Variants in GCC2 observed in about 807,000 individuals in gnomAD.
GCC2 encodes the protein GRIP and coiled-coil domain-containing protein 2.
Under a neutral mutation model 210.6 loss-of-function variants are expected in GCC2, and 120 were observed. The ratio of observed to expected loss-of-function variants is 0.57; its 90% CI spans 0.49 to 0.66. GCC2 has a LOEUF of 0.66. GCC2 is among the 30% of genes least tolerant of loss of function. The pLI, the probability that GCC2 is intolerant of heterozygous loss-of-function variation, is 0.00. For synonymous variants in GCC2, 703 were observed against 652.7 expected (o/e 1.08, Z -1.17); for missense variants, 1,868 against 1,871.9 (o/e 1.00, Z 0.04).
At chr2:108,474,344 G>A (rs997924731) in intron 7 of GCC2, among the ~76,000 whole-genome samples, 3 of 152,178 alleles carry the variant, frequency 2.0e-5, no homozygotes, top group Non-Finnish European at 4.4e-5. Context: ...GCTAAGGCAA[G>A]TGACATGGAA....
intron 4 of GCC2, among the ~76,000 whole-genome samples, chr2:108,457,247 C>T (rs757913819): frequency 3.3e-5 from 5 of 152,102 alleles, no homozygotes; most frequent in Non-Finnish European, 5.9e-5. Context: ...AAGAGGGTGT[C>T]GTTTGCCCAG....
At chr2:108,505,857 G>A (rs959899400) in intron 22 of GCC2, among the ~76,000 whole-genome samples, 13 of 152,102 alleles carry the variant, frequency 8.5e-5, no homozygotes, top group Admixed American at 5.2e-4. Context: ...TAAATAACAC[G>A]CAGATAAAAC....
intron 4 of GCC2, among the ~76,000 whole-genome samples, chr2:108,462,218 C>T (rs1199031090): frequency 1.4e-5 from 2 of 145,434 alleles, no homozygotes; most frequent in African/African-American, 2.5e-5. Context: ...GGAGGCCGGG[C>T]GCAGTGGCTC....
intron 4 of GCC2, among the ~76,000 whole-genome samples, chr2:108,468,253 A>T (rs1292505280): frequency 6.6e-6 from 1 of 151,972 alleles, no homozygotes; most frequent in Non-Finnish European, 1.5e-5. Context: ...TTTAGTAGAG[A>T]CAGAGTTTCA....
chr2:108,486,454 C>T, intron 15 of GCC2, 57 bp from the exon 16 acceptor site: 1 of 1,564,802 alleles, frequency 6.4e-7, no homozygotes, highest in Non-Finnish European at 8.8e-7. Context: ...TAAGGAAAAC[C>T]TCTTTAACTA....
chr2:108,483,219 T>C, intron 12 of GCC2, 53 bp downstream of exon 12: 1 of 931,680 alleles, frequency 1.1e-6, no homozygotes, highest in Middle Eastern at 3.2e-4. Flanking sequence ...TTGTTCTGTT[T>C]TGTTGTTCTG....
At chr2:108,468,068 T>C (rs1573364391) in intron 4 of GCC2, among the ~76,000 whole-genome samples, 1 of 21,830 alleles carries the variant, frequency 4.6e-5, no homozygotes, top group Non-Finnish European at 9.1e-5. Flanking sequence ...TTTCTTTTTC[T>C]TTTTTTTTTT....
Position 108,472,827 on chromosome 2 carries a change from G to C in GCC2, c.2788G>C (p.Asp930His). ...DRRAELILLKDSLAKSPSVKN... is the reference protein window; with the variant it reads ...DRRAELILLKHSLAKSPSVKN... ...TTTTTTTTTCCCCTGTAAAATCTAG[G>C]ATTCCTTAGCAAAATCACCTTCTGT... The change falls in exon 7 of 23, where the codon GAT (aspartate) becomes CAT (histidine). Residue 930 changes from aspartate (D) to histidine (H), a missense_variant and splice_region_variant. This residue lies in a region of GCC2 where 1,847 missense variants were observed against 1,765.2 expected (regional missense o/e 1.05). Transcript: ENST00000309863. 4.5e-6 allele frequency: 7 copies of C among 1,562,918 alleles called. No individual in the cohort carries two copies. The highest frequency in any genetic ancestry group is 6.1e-6 in the Non-Finnish European group (7 of 1,143,432).
At chr2:108,486,717 A>G in intron 16 of GCC2, 69 bp downstream of exon 16, 3 of 1,426,688 alleles carry the variant, frequency 2.1e-6, no homozygotes, top group Non-Finnish European at 2.9e-6. Context: ...GGTTTACTCC[A>G]GGGCTGTGCT....
Position 108,488,904 on chromosome 2 carries a change from A to G in GCC2, c.4053-934A>G, listed in dbSNP as rs181537073. 2.0e-3 allele frequency among the ~76,000 whole-genome samples: 308 copies of G among 152,340 alleles called. 3 individuals carry two copies. The highest frequency in any genetic ancestry group is 7.0e-3 in the African/African-American group (292 of 41,584). ...TATTTTCTTTCCAGTAGCTCATTAT[A>G]TAAAGGGGAAATTAGATACTGATAC... On this transcript the variant is annotated intron_variant, in intron 17 of 22. Transcript: ENST00000309863.
Position 108,485,706 on chromosome 2 carries a change from C to G in GCC2, c.3684C>G (p.Thr1228=). 5.0e-6 allele frequency: 8 copies of G among 1,593,744 alleles called. No individual in the cohort carries two copies. The highest frequency in any genetic ancestry group is 6.8e-6 in the Non-Finnish European group (8 of 1,170,352). Residue 1228 remains threonine, a synonymous_variant, in exon 14 of 23, where the codon ACC becomes ACG. Transcript: ENST00000309863. ...NTKIKQLLVK[T]KKELADSKQA... Reference sequence around the variant, plus strand: ...AAATCAAGCAATTGCTTGTGAAAACCAAAAAGGAACTGGCAGATTCAAAGC... The same window carrying G: ...AAATCAAGCAATTGCTTGTGAAAACGAAAAAGGAACTGGCAGATTCAAAGC...
At chr2:108,485,766 T>C in intron 14 of GCC2, 30 bp downstream of exon 14, 2 of 1,457,454 alleles carry the variant, frequency 1.4e-6, no homozygotes, top group South Asian at 1.2e-5. Flanking sequence ...TCATATTTAG[T>C]ACTTATTCAT....
chr2:108,495,454 G>C lies in GCC2; in HGVS notation c.4611G>C (p.Glu1537Asp). Reference protein sequence around the residue: ...SSASTYTQSLEQLLNSPETKL... With the variant: ...SSASTYTQSLDQLLNSPETKL... ...CCAGCACATACACACAGTCTTTAGA[G>C]CAGCTGCTTAACTCTCCCGAAACTA... is the stretch of plus-strand genomic sequence containing the variant. The change falls in exon 20 of 23, where the codon GAG (glutamate) becomes GAC (aspartate). Residue 1537 changes from glutamate (E) to aspartate (D), a missense_variant. Glu to Asp is a conservative substitution (Grantham distance 45). Coordinates refer to ENST00000309863, the MANE Select transcript of GCC2 (RefSeq NM_181453.4). The C allele has an allele frequency of 2.5e-6, 4 of 1,593,336 alleles. No individual in the cohort carries two copies. Among genetic ancestry groups the C allele is most frequent in the Non-Finnish European group, 3.4e-6 (4 of 1,178,490 alleles).
intron 18 of GCC2, among the ~76,000 whole-genome samples, chr2:108,492,217 A>G (rs936887109): frequency 1.3e-5 from 2 of 151,990 alleles, no homozygotes; most frequent in Non-Finnish European, 2.9e-5. Context: ...GTTACCACAT[A>G]TGATGATGTG....
intron 18 of GCC2, among the ~76,000 whole-genome samples, chr2:108,490,361 T>TTTTTTTTC (rs1682349526): frequency 6.6e-6 from 1 of 152,172 alleles, no homozygotes; most frequent in Non-Finnish European, 1.5e-5. Context: ...AACACCCAAA[T>TTTTTTTTC]AGTTGCTAAC....
chr2:108,483,548 A>G (rs1447478355), intron 12 of GCC2, among the ~76,000 whole-genome samples: 3 of 152,140 alleles, frequency 2.0e-5, no homozygotes, highest in Non-Finnish European at 2.9e-5. Context: ...TATTCTATAC[A>G]TGTTGAAAAG....
chr2:108,468,184 C>T (rs1418931019), intron 4 of GCC2, among the ~76,000 whole-genome samples: 1 of 151,982 alleles, frequency 6.6e-6, no homozygotes, highest in East Asian at 1.9e-4. Flanking sequence ...GCCTTAGCCT[C>T]CAGGGTAGCT....
At position 108,451,084 on chromosome 2, in the gene GCC2, A is replaced by G. The variant is rs747208337; in HGVS notation, c.120A>G (p.Leu40=). 3.7e-6 allele frequency: 6 copies of G among 1,610,624 alleles called. No individual in the cohort carries two copies. In the South Asian group the frequency reaches 5.5e-5, roughly 15 times the overall value. Residue 40 remains leucine, a synonymous_variant, in exon 3 of 23, where the codon CTA becomes CTG. Coordinates refer to ENST00000309863, the MANE Select transcript of GCC2 (RefSeq NM_181453.4). ...LIKFAKKQMM[L]IQKAKSRCTE... ...AGTTTGCCAAGAAACAGATGATGCT[A>G]ATACAGAAAGCTAAATCAAGGTGTA...
intron 21 of GCC2, among the ~76,000 whole-genome samples, chr2:108,497,487 G>C (rs527391810): frequency 6.6e-6 from 1 of 152,328 alleles, no homozygotes; most frequent in African/African-American, 2.4e-5. Flanking sequence ...AACCGTAATA[G>C]ATTTAGAAAC....
Sources: allele counts gnomAD v4.1 joint callset (sites outside exome capture counted in the v4.1 genomes callset), GRCh38; gene constraint gnomAD v4.1.1; regional missense constraint gnomAD v4.1.1; transcripts MANE v1.5; gene names NCBI Gene and HGNC (gene_info 2026-07-23, HGNC 2026-07-21).